RERE: variants seen among roughly 807,000 people sequenced by gnomAD.
RERE encodes the protein arginine-glutamic acid dipeptide repeats, also known as arginine-glutamic acid dipeptide repeats protein.
RERE carries 40 observed loss-of-function variants against 146.1 expected under a neutral mutation model. That is an observed-to-expected ratio of 0.27 (90% confidence interval 0.21 to 0.36). The LOEUF (loss-of-function observed/expected upper bound fraction) is 0.36, where lower values mean the gene tolerates loss of function less well. Ranked by LOEUF, RERE falls within the 10% of genes least tolerant of loss-of-function variation. The pLI is 1.00. For synonymous variants in RERE, 1,003 were observed against 866.0 expected, an observed-to-expected ratio of 1.16 and a Z score of -2.78; for missense variants, 1,933 against 2,138.7, an observed-to-expected ratio of 0.90 and a Z score of 1.90.
At chr1:8,654,016 T>C (rs1218881520) in intron 2 of RERE, among the ~76,000 whole-genome samples, 1 of 151,710 alleles carries the variant, frequency 6.6e-6, no homozygotes, top group Non-Finnish European at 1.5e-5. Flanking sequence ...CTGTATTAAG[T>C]TCTAGCACTG....
intron 1 of RERE, among the ~76,000 whole-genome samples, chr1:8,702,068 G>T (rs116244524): frequency 1.3e-3 from 187 of 144,910 alleles, no homozygotes; most frequent in African/African-American, 3.7e-3. Flanking sequence ...TTTCCAGAAA[G>T]AGGAAAAAAA....
Position 8,360,544 on chromosome 1 carries a change from A to T in RERE, c.2963T>A (p.Leu988Gln). ...HHPPSAHPPP[L>Q]QLMPQSQPLP... The stretch of plus-strand genomic sequence containing the variant: ...TGGCTGGCTCTGAGGCATGAGTTGC[A>T]GGGGTGGGGGGTGAGCCGACGGGGG... Residue 988 changes from leucine to glutamine, a missense_variant, in exon 18 of 23, where the codon CTG becomes CAG. Physicochemically the swap from Leu to Gln is moderately radical, Grantham distance 113. Transcript: ENST00000400908. 4 of 628,162 alleles carry T rather than the reference A, an allele frequency of 6.4e-6. No individual in the cohort carries two copies. Among genetic ancestry groups the T allele is most frequent in the South Asian group, 2.4e-5 (1 of 40,848 alleles). The allele number at this position is 628,162 out of a possible 1,614,324, so 38.9% of individuals were successfully genotyped here.
At chr1:8,405,708 G>A (rs968259999) in intron 12 of RERE, among the ~76,000 whole-genome samples, 7 of 152,012 alleles carry the variant, frequency 4.6e-5, no homozygotes, top group African/African-American at 9.7e-5. Context: ...GTGCGATCTC[G>A]GCTCACTGCA....
At chr1:8,745,427 G>A (rs559667002) in intron 1 of RERE, among the ~76,000 whole-genome samples, 7 of 152,188 alleles carry the variant, frequency 4.6e-5, no homozygotes, top group African/African-American at 1.4e-4. Flanking sequence ...ACATGGTTAC[G>A]TTTCTCTCAA....
chr1:8,355,127 A>G lies in RERE; in HGVS notation c.4668-7T>C, dbSNP rs1225502754. ...ACCTTCTTTCTTCAGTCGACTGGAA[A>G]GACAAAACAGGAAAGCGTATTTAGT... On this transcript the variant is annotated splice_region_variant and splice_polypyrimidine_tract_variant and intron_variant, in intron 22 of 22. Transcript: ENST00000400908. The G allele has an allele frequency of 6.2e-7, 1 of 1,613,830 alleles. No individual in the cohort carries two copies. Among genetic ancestry groups the G allele is most frequent in the Non-Finnish European group, 8.5e-7 (1 of 1,179,912 alleles).
chr1:8,591,541 C>G (rs1325825856), intron 4 of RERE, among the ~76,000 whole-genome samples: 1 of 152,082 alleles, frequency 6.6e-6, no homozygotes, highest in Non-Finnish European at 1.5e-5. Context: ...CCTAATGAAC[C>G]CTGCCCTAAC....
intron 1 of RERE, among the ~76,000 whole-genome samples, chr1:8,811,669 T>G (rs989395293): frequency 7.2e-5 from 11 of 152,212 alleles, no homozygotes; most frequent in Non-Finnish European, 1.3e-4. Flanking sequence ...AATGTGTCCG[T>G]GCATGCTCTG....
intron 1 of RERE, among the ~76,000 whole-genome samples, chr1:8,688,146 T>C (rs1639131743): frequency 1.3e-5 from 2 of 152,208 alleles, no homozygotes; most frequent in Non-Finnish European, 2.9e-5. Flanking sequence ...ATTCCATTTT[T>C]CACTTTCAGT....
At chr1:8,546,044 C>T (rs1645857688) in intron 6 of RERE, among the ~76,000 whole-genome samples, 1 of 123,656 alleles carries the variant, frequency 8.1e-6, no homozygotes, top group African/African-American at 3.1e-5. Context: ...GGCTGAAGTG[C>T]AGCGGTTTGA....
chr1:8,775,030 A>C (rs1362804675), intron 1 of RERE, among the ~76,000 whole-genome samples: 16 of 137,234 alleles, frequency 1.2e-4, no homozygotes, highest in Admixed American at 8.5e-5. Flanking sequence ...GTGCGATCTC[A>C]ACTCACTGCA....
At chr1:8,573,332 A>AAT (rs772236917) in intron 4 of RERE, among the ~76,000 whole-genome samples, 52 of 151,776 alleles carry the variant, frequency 3.4e-4, no homozygotes, top group Non-Finnish European at 5.0e-4. Flanking sequence ...GCTTTTACTT[A>AAT]ATATATATAT....
intron 12 of RERE, among the ~76,000 whole-genome samples, chr1:8,386,048 T>TTTTTTC (rs1642670634): frequency 2.3e-5 from 2 of 86,314 alleles, no homozygotes; most frequent in Non-Finnish European, 4.5e-5. Context: ...TTTTTTTTTT[T>TTTTTTC]CTTGGTTCAC....
chr1:8,626,851 G>A (rs996339048), intron 2 of RERE, among the ~76,000 whole-genome samples: 2 of 152,210 alleles, frequency 1.3e-5, no homozygotes, highest in Middle Eastern at 3.4e-3. Flanking sequence ...GCCACTTTTC[G>A]CATTTCTTTC....
At chr1:8,773,853 A>G (rs192345414) in intron 1 of RERE, among the ~76,000 whole-genome samples, 2 of 152,330 alleles carry the variant, frequency 1.3e-5, no homozygotes, top group Admixed American at 6.5e-5. Flanking sequence ...AGTAAGTTAC[A>G]ATGCTGTACA....
intron 7 of RERE, among the ~76,000 whole-genome samples, chr1:8,516,995 G>C (rs530396812): frequency 1.3e-5 from 2 of 152,186 alleles, no homozygotes; most frequent in Non-Finnish European, 2.9e-5. Flanking sequence ...GAGCTTTGTA[G>C]TGATGGATAG....
At chr1:8,481,989 CAGG>C (rs1298846827) in intron 10 of RERE, among the ~76,000 whole-genome samples, 1 of 152,018 alleles carries the variant, frequency 6.6e-6, no homozygotes, top group African/African-American at 2.4e-5. Context: ...CGAAGCAGAC[CAGG>C]AGGATAAATA....
intron 4 of RERE, among the ~76,000 whole-genome samples, chr1:8,588,836 G>A (rs1646458137): frequency 6.6e-6 from 1 of 152,054 alleles, no homozygotes; most frequent in Admixed American, 6.6e-5. Flanking sequence ...AGAAACTACT[G>A]ACTGAGGCTG....
In RERE at chr1:8,607,599, G is replaced by A. The variant is rs371566976; in HGVS notation, c.522+6962C>T. On this transcript the variant is annotated intron_variant, in intron 4 of 22. Coordinates refer to ENST00000400908, the MANE Select transcript of RERE (RefSeq NM_001042681.2). The stretch of plus-strand genomic sequence containing the variant: ...CTCGCTCTGTCGTCGAGGCTGCAGT[G>A]CAGTGGTGTGATCTTGGCTCACTGT... Among the ~76,000 whole-genome samples the A allele has an allele frequency of 6.2e-5, 8 of 128,754 alleles. No homozygotes were observed. In the South Asian group the frequency reaches 1.7e-3, roughly 28 times the overall value. 84.5% of individuals were successfully genotyped at this position (128,754 alleles called of 152,430 possible). A position where few individuals can be genotyped will look rare whatever the true frequency, so the allele number is the denominator to read the frequency against.
intron 1 of RERE, among the ~76,000 whole-genome samples, chr1:8,669,141 C>T (rs919462801): frequency 6.7e-6 from 1 of 150,248 alleles, no homozygotes; most frequent in Non-Finnish European, 1.5e-5. Flanking sequence ...TGCGTGATCA[C>T]GGCTCACTGC....
Sources: gnomAD v4.1 joint callset for allele counts (sites outside exome capture counted in the v4.1 genomes callset) on GRCh38, gnomAD v4.1.1 for gene constraint, MANE v1.5 for transcripts, NCBI Gene and HGNC (gene_info 2026-07-23, HGNC 2026-07-21) for gene names.